Variants in MYBL2 observed in about 807,000 individuals in gnomAD.
MYBL2 encodes MYB proto-oncogene like 2.
A neutral mutation model predicts 79.9 loss-of-function variants in MYBL2; 28 were observed. The observed-to-expected ratio is 0.35, with a 90% CI of 0.26 to 0.48. The LOEUF (loss-of-function observed/expected upper bound fraction) is 0.48. Ranked by LOEUF, MYBL2 falls within the 20% of genes least tolerant of loss-of-function variation. The pLI, the probability that MYBL2 is intolerant of heterozygous loss-of-function variation, is 0.99. For missense variants in MYBL2, 735 were observed against 893.9 expected (o/e 0.82, Z 2.27); for synonymous variants, 378 against 361.2 (o/e 1.05, Z -0.53).
intron 9 of MYBL2, among the ~76,000 whole-genome samples, chr20:43,707,981 T>A (rs1263846873): frequency 6.6e-6 from 1 of 152,118 alleles, no homozygotes. Flanking sequence ...ATGGGATTGT[T>A]TTCTGATTCA....
At chr20:43,698,683 T>A (rs1310604610) in intron 6 of MYBL2, among the ~76,000 whole-genome samples, 3 of 132,200 alleles carry the variant, frequency 2.3e-5, no homozygotes, top group Non-Finnish European at 3.1e-5. Context: ...TTTTTTTTTT[T>A]AAATGAGCAG....
At chr20:43,667,727 G>A (rs556544834) in intron 1 of MYBL2, among the ~76,000 whole-genome samples, 18 of 152,286 alleles carry the variant, frequency 1.2e-4, no homozygotes, top group Admixed American at 2.6e-4. Context: ...AGCCTGGGAG[G>A]CACTTGTTGC....
In MYBL2 at chr20:43,687,121, C is replaced by T. The variant is rs775088257; in HGVS notation, c.500+49C>T. 4.4e-5 allele frequency: 70 copies of T among 1,577,200 alleles called. 1 individual carries two copies. In the Middle Eastern group the frequency reaches 1.1e-3, roughly 26 times the overall value. Reference sequence around the variant, plus strand: ...GGACAGGTTCCCGGGAGGCCAGGCCCGTGTTTCTGATGGAGGAGGGTTCCT... The same window carrying T: ...GGACAGGTTCCCGGGAGGCCAGGCCTGTGTTTCTGATGGAGGAGGGTTCCT... On this transcript the variant is annotated intron_variant, in intron 5 of 13. Coordinates refer to ENST00000217026, the MANE Select transcript of MYBL2 (RefSeq NM_002466.4).
At chr20:43,677,081 A>T (rs1280493082) in intron 2 of MYBL2, among the ~76,000 whole-genome samples, 2 of 152,098 alleles carry the variant, frequency 1.3e-5, no homozygotes, top group African/African-American at 4.8e-5. Flanking sequence ...GTGAGTGGTA[A>T]ACTCCTTTTA....
chr20:43,705,939 A>G (rs189098732), intron 9 of MYBL2, among the ~76,000 whole-genome samples: 243 of 151,982 alleles, frequency 1.6e-3, no homozygotes, highest in Non-Finnish European at 3.1e-3. Context: ...TGACCTCGTG[A>G]TCCTCCTGCC....
intron 6 of MYBL2, among the ~76,000 whole-genome samples, chr20:43,699,403 C>G (rs1188750648): frequency 1.3e-5 from 2 of 152,152 alleles, no homozygotes; most frequent in Non-Finnish European, 2.9e-5. Context: ...AGCATAGATT[C>G]CTAAGAATAA....
At chr20:43,681,329 T>C (rs1987137934) in intron 2 of MYBL2, among the ~76,000 whole-genome samples, 1 of 152,128 alleles carries the variant, frequency 6.6e-6, no homozygotes, top group African/African-American at 2.4e-5. Context: ...ATAGAACGTT[T>C]GACTGTGACC....
chr20:43,671,549 C>T (rs1314330099), intron 1 of MYBL2, among the ~76,000 whole-genome samples: 13 of 143,290 alleles, frequency 9.1e-5, no homozygotes, highest in Non-Finnish European at 1.7e-4. Flanking sequence ...CTTGGCTCAC[C>T]GCAACCTCCG....
intron 2 of MYBL2, among the ~76,000 whole-genome samples, chr20:43,676,853 T>C (rs754196628): frequency 6.6e-6 from 1 of 152,104 alleles, no homozygotes; most frequent in African/African-American, 2.4e-5. Context: ...GTTAACATCA[T>C]AGATGTCTTT....
intron 9 of MYBL2, among the ~76,000 whole-genome samples, chr20:43,706,719 G>GTTTTTTTTTTTTTTTTTTTTTTTTTTTT (rs71193702): frequency 2.8e-5 from 2 of 70,774 alleles, no homozygotes; most frequent in African/African-American, 1.2e-4. Context: ...AAAAAAAAAA[G>GTTTTTTTTTTTTTTTTTTTTTTTTTTTT]TTTTTTTTTT....
chr20:43,705,047 G>A (rs1370347086), intron 8 of MYBL2, among the ~76,000 whole-genome samples, 172 bp from the exon 9 acceptor site: 4 of 152,082 alleles, frequency 2.6e-5, no homozygotes, highest in Non-Finnish European at 4.4e-5. Flanking sequence ...TCCTGGCATC[G>A]ATCTGTCCCA....
intron 4 of MYBL2, among the ~76,000 whole-genome samples, chr20:43,683,438 T>G (rs1027553945): frequency 1.3e-5 from 2 of 152,000 alleles, no homozygotes; most frequent in Non-Finnish European, 1.5e-5. Context: ...CATGACTGCC[T>G]GGGGCTACCT....
At chr20:43,686,071 A>G (rs563000091) in intron 4 of MYBL2, among the ~76,000 whole-genome samples, 6 of 152,204 alleles carry the variant, frequency 3.9e-5, no homozygotes, top group African/African-American at 1.4e-4. Flanking sequence ...AAGTGAAAAC[A>G]TAAAATCTTT....
At position 43,697,305 on chromosome 20, in the gene MYBL2, T is replaced by C. The variant is rs754035702; in HGVS notation, c.664-2452T>C. On this transcript the variant is annotated intron_variant, in intron 6 of 13. Transcript: ENST00000217026. The stretch of plus-strand genomic sequence containing the variant: ...TTTTTTCAGCTTTATTAAAATATAA[T>C]TGACAAATAAATTGCATATATTGAC... Among the ~76,000 whole-genome samples the C allele has an allele frequency of 4.1e-4, 63 of 152,178 alleles. 1 individual carries two copies. Among genetic ancestry groups the C allele is most frequent in the Admixed American group, 2.0e-3 (30 of 15,278 alleles).
chr20:43,711,537 A>T lies in MYBL2; in HGVS notation c.1655A>T (p.Glu552Val), dbSNP rs1171631148. Residue 552 changes from glutamate to valine, a missense_variant, in exon 11 of 14, where the codon GAG (glutamate) becomes GTG (valine). Physicochemically the swap from Glu to Val is moderately radical, Grantham distance 121 (BLOSUM62 -2). Coordinates refer to ENST00000217026, the MANE Select transcript of MYBL2 (RefSeq NM_002466.4). ...EEDLKEVLRS[E>V]AGIELIIEDD... ...GACTTGAAGGAGGTGCTGCGTTCTG[A>T]GGCTGGCATCGAACTCATCATCGAG... 6.2e-7 allele frequency: 1 copy of T among 1,613,816 alleles called. No homozygotes were observed. Among genetic ancestry groups the T allele is most frequent in the Admixed American group, 1.7e-5 (1 of 59,980 alleles).
At chr20:43,713,198 C>G in intron 12 of MYBL2, 92 bp downstream of exon 12, 2 of 1,051,078 alleles carry the variant, frequency 1.9e-6, no homozygotes, top group Non-Finnish European at 2.8e-6. Flanking sequence ...CTTCTGGAAC[C>G]CTGGGCTCTG....
rs777313109 is a variant in MYBL2, at chr20:43,699,853, C to A, written c.760C>A (p.Gln254Lys). 1 of 1,614,132 alleles carries A rather than the reference C, an allele frequency of 6.2e-7. No individual in the cohort carries two copies. The highest frequency in any genetic ancestry group is 1.1e-5 in the South Asian group (1 of 91,082). ...TGCAGCAGCCACCACATCGAAGGAA[C>A]AGGAGCCCATCGGTACAGATCTGGA... is the stretch of plus-strand genomic sequence containing the variant. The part of the protein sequence containing the change: ...ELAAATTSKE[Q>K]EPIGTDLDAV... Residue 254 changes from glutamine to lysine, a missense_variant, in exon 7 of 14, where the codon CAG becomes AAG. By Grantham distance (53) the Gln-to-Lys change is moderately conservative. Around this residue, in one of 5 missense-constraint regions of MYBL2, gnomAD observed 144 missense variants for 131.9 expected, o/e 1.09. Transcript: ENST00000217026.
In MYBL2 at chr20:43,673,845, A is replaced by G. The variant is rs1366548928; in HGVS notation, c.60A>G (p.Ser20=). 6.4e-7 allele frequency: 1 copy of G among 1,559,750 alleles called. No individual in the cohort carries two copies. The highest frequency in any genetic ancestry group is 1.9e-5 in the Admixed American group (1 of 52,252). Reference sequence around the variant, plus strand: ...AGCTGCACTACCAGGACACAGATTCAGATGTGCCGGAGCAGAGGGATAGCA... The same window carrying G: ...AGCTGCACTACCAGGACACAGATTCGGATGTGCCGGAGCAGAGGGATAGCA... The part of the protein sequence containing the change: ...LDELHYQDTD[S]DVPEQRDSKC... Residue 20 remains serine, a synonymous_variant, in exon 2 of 14, where the codon TCA becomes TCG. Transcript: ENST00000217026.
chr20:43,706,698 C>G (rs1428701990), intron 9 of MYBL2, among the ~76,000 whole-genome samples: 1 of 52,268 alleles, frequency 1.9e-5, no homozygotes, highest in African/African-American at 7.5e-5. Flanking sequence ...GAGACCCTGT[C>G]TGTACACAAA....
Sources: allele counts gnomAD v4.1 joint callset (sites outside exome capture counted in the v4.1 genomes callset), GRCh38; gene constraint gnomAD v4.1.1; regional missense constraint gnomAD v4.1.1; transcripts MANE v1.5; gene names NCBI Gene and HGNC (gene_info 2026-07-23, HGNC 2026-07-21).